Variants in SNRPN observed in about 807,000 individuals in gnomAD.
SNRPN encodes small nuclear ribonucleoprotein-associated protein N.
In SNRPN, 7 loss-of-function variants were observed where a neutral mutation model predicts 25.2. The observed-to-expected ratio is 0.28, with a 90% CI of 0.16 to 0.52. The LOEUF (loss-of-function observed/expected upper bound fraction) is 0.52, where lower values mean the gene tolerates loss of function less well. Among genes scored for constraint, SNRPN ranks in the 20% least tolerant of loss-of-function variants. The pLI, the probability that SNRPN is intolerant of heterozygous loss-of-function variation, is 0.96. For synonymous variants in SNRPN, 124 were observed against 110.6 expected (o/e 1.12, Z -0.76); for missense variants, 196 against 322.5 (o/e 0.61, Z 3.00).
chr15:24,949,808 T>C (rs2153196796), intron 3 of SNRPN, among the ~76,000 whole-genome samples: 1 of 152,224 alleles, frequency 6.6e-6, no homozygotes, highest in African/African-American at 2.4e-5. Flanking sequence ...ATGCCATAGT[T>C]GTTTCCTTTT....
intron 3 of SNRPN, among the ~76,000 whole-genome samples, chr15:24,935,196 C>T (rs539569752): frequency 1.3e-4 from 20 of 151,526 alleles, no homozygotes; most frequent in African/African-American, 2.9e-4. Flanking sequence ...TGCCTGAACC[C>T]GGGAGGTTGA....
upstream of SNRPN, among the ~76,000 whole-genome samples, chr15:24,950,702 C>G (rs987154704): frequency 1.3e-5 from 2 of 150,958 alleles, no homozygotes; most frequent in African/African-American, 4.9e-5. Flanking sequence ...TGTGCAACAC[C>G]ACATTTGGCT....
chr15:24,956,354 C>CGGTGG (rs66513284), intron 1 of SNRPN, among the ~76,000 whole-genome samples: 1 of 138,158 alleles, frequency 7.2e-6, no homozygotes, highest in African/African-American at 2.7e-5. Flanking sequence ...AGCGCTTCAG[C>CGGTGG]GGGGGGGTGG....
chr15:24,905,549 T>C (rs1380314199), intron 2 of SNRPN, among the ~76,000 whole-genome samples: 1 of 152,014 alleles, frequency 6.6e-6, no homozygotes, highest in African/African-American at 2.4e-5. Context: ...ATTTTAATAA[T>C]GTTAGTCAAT....
intron 1 of SNRPN, among the ~76,000 whole-genome samples, chr15:24,863,169 G>A (rs980777890): frequency 2.0e-5 from 3 of 150,808 alleles, no homozygotes; most frequent in Admixed American, 6.6e-5. Flanking sequence ...TGTTGGGGAG[G>A]GGCAAGGGTG....
rs1566921436 is a variant in SNRPN, at chr15:24,927,475, A to ATTTTTTTTTTTTTTTTTTT, written c.-391+7351_-391+7352insTTTTTTTTTTTTTTTTTTT. 2.5e-4 allele frequency among the ~76,000 whole-genome samples: 28 copies of ATTTTTTTTTTTTTTTTTTT among 113,328 alleles called. 6 individuals carry two copies. The highest frequency in any genetic ancestry group is 2.1e-3 in the East Asian group (7 of 3,298). The allele number at this position is 113,328 out of a possible 152,430, so 74.3% of individuals were successfully genotyped here. A position where few individuals can be genotyped will look rare whatever the true frequency, so the allele number is the denominator to read the frequency against. ...TTTCCCACTGCTTATAAAGTTTTTA[A>ATTTTTTTTTTTTTTTTTTT]ATTTTTTTTTTTTTTTTTTTTTTTT... is the stretch of plus-strand genomic sequence containing the variant. On this transcript the variant is annotated intron_variant, in intron 3 of 11. Transcript: ENST00000400097.
intron 2 of SNRPN, among the ~76,000 whole-genome samples, chr15:24,900,115 T>G (rs149919486): frequency 6.6e-6 from 1 of 152,312 alleles, no homozygotes; most frequent in East Asian, 1.9e-4. Context: ...CCCGAGTGAC[T>G]GCTGCACTGA....
chr15:24,889,787 C>T (rs1292696655), intron 2 of SNRPN, among the ~76,000 whole-genome samples: 2 of 151,832 alleles, frequency 1.3e-5, no homozygotes, highest in South Asian at 2.1e-4. Flanking sequence ...TGGTGGCTCA[C>T]GCCTGTAATC....
At chr15:24,826,700 A>T (rs150244453) in intron 1 of SNRPN, among the ~76,000 whole-genome samples, 48 of 152,250 alleles carry the variant, frequency 3.2e-4, no homozygotes, top group Non-Finnish European at 5.9e-4. Context: ...TAGTCTATGC[A>T]TGGGTATAGG....
intron 3 of SNRPN, among the ~76,000 whole-genome samples, chr15:24,925,774 C>T (rs1012271231): frequency 1.3e-5 from 2 of 151,090 alleles, no homozygotes; most frequent in African/African-American, 4.9e-5. Flanking sequence ...CAGAGTCTCG[C>T]ACTCTTGCCC....
chr15:24,883,446 G>A (rs76078083), intron 1 of SNRPN, among the ~76,000 whole-genome samples: 1 of 151,702 alleles, frequency 6.6e-6, no homozygotes, highest in East Asian at 2.0e-4. Context: ...GTGGCTCAGG[G>A]CCAGTTTTAT....
chr15:24,909,587 T>C (rs1410328768), intron 2 of SNRPN: 3 of 1,284,584 alleles, frequency 2.3e-6, no homozygotes, highest in East Asian at 2.3e-5. Context: ...TTCGTGTGCA[T>C]ATGCTGTGCA....
intron 1 of SNRPN, among the ~76,000 whole-genome samples, chr15:24,866,895 T>C (rs896021177): frequency 7.6e-6 from 1 of 132,088 alleles, no homozygotes; most frequent in South Asian, 2.5e-4. Flanking sequence ...TAGTATTCCA[T>C]TGGGGATTAT....
chr15:24,870,934 G>A (rs1290946829), intron 1 of SNRPN, among the ~76,000 whole-genome samples: 2 of 151,550 alleles, frequency 1.3e-5, no homozygotes, highest in Non-Finnish European at 2.9e-5. Flanking sequence ...AGCCTGGAGT[G>A]CAATGGTGTG....
chr15:24,835,641 T>C (rs1046104674), intron 2 of SNRPN, among the ~76,000 whole-genome samples: 1 of 152,088 alleles, frequency 6.6e-6, no homozygotes, highest in African/African-American at 2.4e-5. Flanking sequence ...TCTTTCTGTT[T>C]GTTTGGTAAT....
At chr15:24,880,924 G>A (rs747208926) in intron 1 of SNRPN, among the ~76,000 whole-genome samples, 14 of 149,560 alleles carry the variant, frequency 9.4e-5, no homozygotes, top group Non-Finnish European at 1.3e-4. Context: ...TGATCCTCCC[G>A]CCTTGGCCTC....
At chr15:24,940,045 C>T (rs769889356) in intron 3 of SNRPN, among the ~76,000 whole-genome samples, 8 of 152,266 alleles carry the variant, frequency 5.3e-5, no homozygotes, top group Middle Eastern at 3.4e-3. Flanking sequence ...TCACCTTGGC[C>T]TCCCCAAATG....
chr15:24,950,155 G>C (rs568602805), upstream of SNRPN, among the ~76,000 whole-genome samples: 19 of 151,992 alleles, frequency 1.3e-4, no homozygotes, highest in South Asian at 3.5e-3. Flanking sequence ...CAGTTGATGA[G>C]CATTTGAGTT....
At chr15:24,890,474 AGACAAGCCT>A (rs1566877169) in intron 2 of SNRPN, among the ~76,000 whole-genome samples, 1 of 152,142 alleles carries the variant, frequency 6.6e-6, no homozygotes, top group East Asian at 1.9e-4. Flanking sequence ...CAGGAGTTCA[AGACAAGCCT>A]GACCAACATG....
Sources: gnomAD v4.1 joint callset for allele counts (sites outside exome capture counted in the v4.1 genomes callset) on GRCh38, gnomAD v4.1.1 for gene constraint, MANE v1.5 for transcripts, NCBI Gene and HGNC (gene_info 2026-07-23, HGNC 2026-07-21) for gene names.